FBRSL1: variants seen among roughly 807,000 people sequenced by gnomAD.
FBRSL1 encodes the protein fibrosin like 1.
Under a neutral mutation model 89.6 loss-of-function variants are expected in FBRSL1, and 51 were observed. That is an observed-to-expected ratio of 0.57 (90% CI 0.45 to 0.72). FBRSL1 has a LOEUF of 0.72. FBRSL1 is among the 30% of genes least tolerant of loss of function. The pLI, the probability that FBRSL1 is intolerant of heterozygous loss-of-function variation, is 0.00. For synonymous variants in FBRSL1, 779 were observed against 681.1 expected, an observed-to-expected ratio of 1.14 and a Z score of -2.24; for missense variants, 1,618 against 1,451.8, an observed-to-expected ratio of 1.11 and a Z score of -1.86.
In FBRSL1 at chr12:132,583,985, A is replaced by G. The variant is rs1468168830; in HGVS notation, c.*207A>G. On this transcript the variant is annotated 3_prime_UTR_variant, in exon 19 of 19. Coordinates refer to ENST00000680143, the MANE Select transcript of FBRSL1 (RefSeq NM_001367871.1). ...GGGATTCGGCTGTTGGGAAAAAAAA[A>G]TCGCGTTTGTACCTTTTCCCCCCAC... 4 of 272,880 alleles carry G rather than the reference A, an allele frequency of 1.5e-5. No individual in the cohort carries two copies. Among genetic ancestry groups the G allele is most frequent in the African/African-American group, 9.0e-5 (4 of 44,564 alleles). 16.9% of individuals were successfully genotyped at this position (272,880 alleles called of 1,614,324 possible). A position where few individuals can be genotyped will look rare whatever the true frequency, so the allele number is the denominator to read the frequency against.
chr12:132,491,476 G>C (rs551293836), intron 1 of FBRSL1, among the ~76,000 whole-genome samples: 50 of 152,262 alleles, frequency 3.3e-4, no homozygotes, highest in Non-Finnish European at 4.8e-4. Flanking sequence ...TGCTGTCTGA[G>C]AGTTGGGGCA....
chr12:132,583,055 G>T lies in FBRSL1; in HGVS notation c.2286G>T (p.Arg762=), dbSNP rs1205863847. The change falls in exon 19 of 19, where the codon CGG becomes CGT. Residue 762 remains arginine, a synonymous_variant. Transcript: ENST00000680143. ...AGHPVSGLLL[R]AQSELGRSGA... ...ACCCCGTCAGCGGCCTCCTGCTCCGGGCCCAGAGCGAGCTGGGCCGGTCCG... is the reference window on the plus strand; with the variant it reads ...ACCCCGTCAGCGGCCTCCTGCTCCGTGCCCAGAGCGAGCTGGGCCGGTCCG... The T allele has an allele frequency of 1.4e-6, 2 of 1,447,234 alleles. No individual in the cohort carries two copies. Among genetic ancestry groups the T allele is most frequent in the Admixed American group, 5.4e-5 (2 of 37,304 alleles). The allele number at this position is 1,447,234 out of a possible 1,614,324, so 89.6% of individuals were successfully genotyped here. A position where few individuals can be genotyped will look rare whatever the true frequency, so the allele number is the denominator to read the frequency against.
intron 4 of FBRSL1, among the ~76,000 whole-genome samples, chr12:132,532,615 G>A (rs2036384698): frequency 6.6e-6 from 1 of 152,206 alleles, no homozygotes; most frequent in Admixed American, 6.5e-5. Context: ...TGTGTGCTGA[G>A]CGTGTCCATG....
At chr12:132,505,230 G>A (rs1370314067) in intron 1 of FBRSL1, among the ~76,000 whole-genome samples, 1 of 152,216 alleles carries the variant, frequency 6.6e-6, no homozygotes, top group Non-Finnish European at 1.5e-5. Flanking sequence ...GCCGCTGCTG[G>A]TCTCCTTGGC....
intron 14 of FBRSL1, among the ~76,000 whole-genome samples, chr12:132,575,226 G>A (rs112791820): frequency 1.1e-4 from 16 of 151,770 alleles, no homozygotes; most frequent in Admixed American, 6.5e-5. Context: ...GCAGAATGCT[G>A]TATGTCTTTC....
At chr12:132,566,787 C>T (rs1210599466) in intron 5 of FBRSL1, among the ~76,000 whole-genome samples, 1 of 151,836 alleles carries the variant, frequency 6.6e-6, no homozygotes, top group African/African-American at 2.4e-5. Flanking sequence ...GCGCGGTGTC[C>T]TGTGGGCTCT....
chr12:132,579,957 T>C (rs2138109135), intron 15 of FBRSL1, among the ~76,000 whole-genome samples: 1 of 152,326 alleles, frequency 6.6e-6, no homozygotes, highest in South Asian at 2.1e-4. Context: ...TGGGGCAGGC[T>C]CCGTAGCTGT....
chr12:132,499,365 G>T lies in FBRSL1; in HGVS notation c.291+8504G>T, dbSNP rs1235701645. On this transcript the variant is annotated intron_variant, in intron 1 of 18. Coordinates refer to ENST00000680143, the MANE Select transcript of FBRSL1 (RefSeq NM_001367871.1). The surrounding 1 kb of genome is among the most constrained non-coding windows in gnomAD (Gnocchi z 4.3). ...ACCTCTGGGAGAGGCCAGGTGAGCC[G>T]CTGGCCAGCAGGGAAGGGTTCTGAG... 2.6e-5 allele frequency among the ~76,000 whole-genome samples: 4 copies of T among 152,128 alleles called. No individual in the cohort carries two copies. In the East Asian group the frequency reaches 5.8e-4, roughly 22 times the overall value.
intron 1 of FBRSL1, chr12:132,507,284 G>C (rs952367101): frequency 2.0e-6 from 2 of 985,548 alleles, no homozygotes; most frequent in South Asian, 9.4e-5. Flanking sequence ...CTGTCCTTTC[G>C]TGGACGCTTC....
chr12:132,560,543 G>T (rs529356276), intron 5 of FBRSL1, among the ~76,000 whole-genome samples: 2 of 152,118 alleles, frequency 1.3e-5, no homozygotes, highest in Non-Finnish European at 2.9e-5. Flanking sequence ...CGGCCACCCG[G>T]GTTCCCGGCG....
At chr12:132,521,567 G>C (rs1441619301) in intron 2 of FBRSL1, among the ~76,000 whole-genome samples, 1 of 152,214 alleles carries the variant, frequency 6.6e-6, no homozygotes, top group Non-Finnish European at 1.5e-5. Context: ...CAGGTGCAGA[G>C]GCTGGAGGCA....
chr12:132,537,411 C>G (rs2036854066), intron 4 of FBRSL1, among the ~76,000 whole-genome samples: 1 of 152,178 alleles, frequency 6.6e-6, no homozygotes, highest in South Asian at 2.1e-4. Context: ...GTGGGTTGGG[C>G]CGAACCCAGA....
intron 2 of FBRSL1, among the ~76,000 whole-genome samples, chr12:132,522,949 C>T (rs114884394): frequency 0.016 from 2,444 of 152,304 alleles, 66 homozygotes; most frequent in African/African-American, 0.055. Flanking sequence ...GGGCTTGGGT[C>T]GGCTCTGCTC....
At chr12:132,551,521 G>T (rs757572270) in intron 5 of FBRSL1, 3 of 456,324 alleles carry the variant, frequency 6.6e-6, no homozygotes, top group South Asian at 4.6e-5. Context: ...TCTCAGGCCA[G>T]TGCACTTCAC....
rs1175769952 is a variant in FBRSL1 at position 132,584,924 on chromosome 12, C to A, written c.*1146C>A. 1 of 152,192 alleles carries A rather than the reference C, an allele frequency of 6.6e-6. No homozygotes were observed. The highest frequency in any genetic ancestry group is 1.5e-5 in the Non-Finnish European group (1 of 68,074). 9.4% of individuals were successfully genotyped at this position (152,192 alleles called of 1,614,324 possible). On this transcript the variant is annotated 3_prime_UTR_variant, in exon 19 of 19. Transcript: ENST00000680143. ...TCGGTGTGGTCGTCGCCTCCCAGGC[C>A]CTTGGCCTGGCCTCCTCTCAGTTTG...
At chr12:132,520,549 C>T (rs957717637) in intron 2 of FBRSL1, among the ~76,000 whole-genome samples, 1 of 152,180 alleles carries the variant, frequency 6.6e-6, no homozygotes, top group African/African-American at 2.4e-5. Context: ...AGGATGCAGT[C>T]GCTGGTGTCA....
At chr12:132,511,742 C>A (rs550259633) in intron 2 of FBRSL1, 6 of 985,470 alleles carry the variant, frequency 6.1e-6, no homozygotes, top group Non-Finnish European at 7.2e-6. Flanking sequence ...CAGCACCCCG[C>A]ACTTGCTCAT....
At chr12:132,500,717 G>C (rs1040155279) in intron 1 of FBRSL1, among the ~76,000 whole-genome samples, 1 of 151,568 alleles carries the variant, frequency 6.6e-6, no homozygotes, top group Non-Finnish European at 1.5e-5. Context: ...TGCAGACTCC[G>C]TCCAGCCCGG....
intron 4 of FBRSL1, among the ~76,000 whole-genome samples, chr12:132,543,255 GTC>G (rs1246484138): frequency 6.6e-6 from 1 of 152,254 alleles, no homozygotes; most frequent in Admixed American, 6.5e-5. Context: ...AGGTGCCACT[GTC>G]TCTGCAGATG....
Sources: gnomAD v4.1 joint callset for allele counts (sites outside exome capture counted in the v4.1 genomes callset) on GRCh38, gnomAD v4.1.1 for gene constraint, Gnocchi (gnomAD v3.1) non-coding constraint, MANE v1.5 for transcripts, NCBI Gene and HGNC (gene_info 2026-07-23, HGNC 2026-07-21) for gene names.